MAP1A: variants seen among roughly 807,000 people sequenced by gnomAD.
MAP1A encodes the protein microtubule associated protein 1A.
MAP1A carries 42 observed loss-of-function variants against 185.9 expected under a neutral mutation model. The ratio of observed to expected loss-of-function variants is 0.23; its 90% CI spans 0.18 to 0.29. The LOEUF (loss-of-function observed/expected upper bound fraction) is 0.29. Ranked by LOEUF, MAP1A falls within the 10% of genes least tolerant of loss-of-function variation. The pLI is 1.00. For missense variants in MAP1A, 2,995 were observed against 3,450.4 expected, an observed-to-expected ratio of 0.87 and a Z score of 3.31; for synonymous variants, 1,229 against 1,335.9, an observed-to-expected ratio of 0.92 and a Z score of 1.74.
chr15:43,510,980 G>C, exon 1 of MAP1A: 1 of 1,529,058 alleles, frequency 6.5e-7, no homozygotes, highest in Non-Finnish European at 8.8e-7. Context: ...ACACTCCGCG[G>C]GTGTTTCCAT....
rs2079330693 is a variant in MAP1A at position 43,523,852 on chromosome 15, T to G, written c.2379T>G (p.Ala793=). Residue 793 remains alanine, a synonymous_variant, in exon 4 of 6, where the codon GCT becomes GCG. Coordinates refer to ENST00000300231, the MANE Select transcript of MAP1A (RefSeq NM_002373.6). The stretch of plus-strand genomic sequence containing the variant: ...AAGCCAGCCAACCTGCCGATAGTGC[T>G]GTTCCTGCTACCTCTGGCAAAGTCT... ...PFEASQPADS[A]VPATSGKVYG... The G allele has an allele frequency of 6.2e-7, 1 of 1,614,200 alleles. No homozygotes were observed. The highest frequency in any genetic ancestry group is 2.2e-5 in the East Asian group (1 of 44,890).
Position 43,524,223 on chromosome 15 carries a change from T to G in MAP1A, c.2750T>G (p.Val917Gly), listed in dbSNP as rs1191879303. 6.2e-7 allele frequency: 1 copy of G among 1,614,118 alleles called. No individual in the cohort carries two copies. Among genetic ancestry groups the G allele is most frequent in the Non-Finnish European group, 8.5e-7 (1 of 1,180,022 alleles). ...TCACCACCCTGTGAGGACTTCTCTG[T>G]GACTGGGGAGTCAGAGAAGAGAGGA... The part of the protein sequence containing the change: ...FKSPPCEDFS[V>G]TGESEKRGEI... The change falls in exon 4 of 6, where the codon GTG (valine) becomes GGG (glycine). Residue 917 changes from valine (V) to glycine (G), a missense_variant. Transcript: ENST00000300231.
rs1466130839 is a variant in MAP1A, at chr15:43,526,411, G to A, written c.4938G>A (p.Val1646=). ...AAAAGTACTGGAGGGGGCAGGATGT[G>A]GTCCAGGAGTGGCAAGAAACATCTC... is the stretch of plus-strand genomic sequence containing the variant. The part of the protein sequence containing the change: ...QEEKYWRGQD[V]VQEWQETSPT... Residue 1646 remains valine (V), a synonymous_variant, in exon 4 of 6, where the codon GTG becomes GTA. Transcript: ENST00000300231. This position sits in a 1 kb window ranked among gnomAD's most constrained non-coding sequence, Gnocchi z 4.7. 3 of 1,614,174 alleles carry A rather than the reference G, an allele frequency of 1.9e-6. No individual in the cohort carries two copies. Among genetic ancestry groups the A allele is most frequent in the Non-Finnish European group, 1.7e-6 (2 of 1,180,032 alleles).
In MAP1A at chr15:43,528,836, C is replaced by T; in HGVS notation, c.7363C>T (p.Pro2455Ser). The change falls in exon 4 of 6, where the codon CCA (proline) becomes TCA (serine). Residue 2455 changes from proline (P) to serine (S), a missense_variant. This residue lies in a region of MAP1A where 2,728 missense variants were observed against 2,986.0 expected (regional missense o/e 0.91). Transcript: ENST00000300231. ...GGAGCTCTCCCCATCCTTCCTGAACCCACCTCTGCCCCCATCCATAGATGA... is the reference window on the plus strand; with the variant it reads ...GGAGCTCTCCCCATCCTTCCTGAACTCACCTCTGCCCCCATCCATAGATGA... ...RGELSPSFLNPPLPPSIDDRD... is the reference protein window; with the variant it reads ...RGELSPSFLNSPLPPSIDDRD... The T allele has an allele frequency of 6.2e-7, 1 of 1,613,452 alleles. No individual in the cohort carries two copies. Among genetic ancestry groups the T allele is most frequent in the Non-Finnish European group, 8.5e-7 (1 of 1,179,826 alleles).
upstream of MAP1A, among the ~76,000 whole-genome samples, chr15:43,515,827 T>C (rs2079295247): frequency 6.6e-6 from 1 of 152,184 alleles, no homozygotes; most frequent in South Asian, 2.1e-4. Context: ...CTTTCTTCTT[T>C]GGCATCTCAC....
In MAP1A at chr15:43,510,975, C is replaced by A. The variant is rs183187551; in HGVS notation, c.-14C>A. 3.3e-4 allele frequency: 497 copies of A among 1,525,300 alleles called. 1 individual carries two copies. Among genetic ancestry groups the A allele is most frequent in the Non-Finnish European group, 3.9e-4 (442 of 1,132,122 alleles). The allele number at this position is 1,525,300 out of a possible 1,614,324, so 94.5% of individuals were successfully genotyped here. On this transcript the variant is annotated 5_prime_UTR_variant, in exon 1 of 7. Transcript: ENST00000382031. Reference sequence around the variant, plus strand: ...CAGCGGAAGCTGCCGGACTAACACTCCGCGGGTGTTTCCATGGAGACCGAG... The same window carrying A: ...CAGCGGAAGCTGCCGGACTAACACTACGCGGGTGTTTCCATGGAGACCGAG...
upstream of MAP1A, among the ~76,000 whole-genome samples, chr15:43,515,985 A>G (rs546017479): frequency 3.9e-5 from 6 of 152,144 alleles, no homozygotes; most frequent in Admixed American, 1.3e-4. Context: ...AGCTGAGAAT[A>G]TGGGTGGGCT....
At chr15:43,518,716 C>CT (rs545823592) in intron 1 of MAP1A, among the ~76,000 whole-genome samples, 4 of 138,244 alleles carry the variant, frequency 2.9e-5, no homozygotes, top group South Asian at 4.8e-4. Flanking sequence ...CCACCCCCCC[C>CT]CGCAACTCCA....
chr15:43,518,348 CGGA>C (rs952517781), intron 1 of MAP1A, among the ~76,000 whole-genome samples: 4 of 152,044 alleles, frequency 2.6e-5, no homozygotes, highest in Non-Finnish European at 4.4e-5. Flanking sequence ...ACTCTGGAGA[CGGA>C]GAACTCCCTC....
upstream of MAP1A, among the ~76,000 whole-genome samples, chr15:43,512,975 G>A (rs2079287287): frequency 6.6e-6 from 1 of 152,176 alleles, no homozygotes; most frequent in Admixed American, 6.5e-5. Context: ...TAAGATGTTA[G>A]GCACTACCAT....
In MAP1A at chr15:43,524,033, C is replaced by T; in HGVS notation, c.2560C>T (p.Leu854Phe). 2 of 1,614,112 alleles carry T rather than the reference C, an allele frequency of 1.2e-6. No homozygotes were observed. Among genetic ancestry groups the T allele is most frequent in the Non-Finnish European group, 8.5e-7 (1 of 1,180,026 alleles). ...SVAEDQSVAS[L>F]TAPQTEETGK... ...GGCTGAGGACCAATCTGTGGCCTCA[C>T]TTACAGCTCCCCAGACAGAGGAGAC... The change falls in exon 4 of 6, where the codon CTT (leucine) becomes TTT (phenylalanine). Residue 854 changes from leucine to phenylalanine, a missense_variant. This residue lies in a region of MAP1A where 2,728 missense variants were observed against 2,986.0 expected (regional missense o/e 0.91). Transcript: ENST00000300231.
In MAP1A at chr15:43,530,518, A is replaced by C; in HGVS notation, c.*294A>C. 2.8e-6 allele frequency: 1 copy of C among 355,872 alleles called. No homozygotes were observed. The highest frequency in any genetic ancestry group is 5.1e-6 in the Non-Finnish European group (1 of 194,586). The allele number at this position is 355,872 out of a possible 1,614,324, so 22.0% of individuals were successfully genotyped here. ...CTAGCACTGTCAAATGCTGGTATTG[A>C]ATGGGGACTGAGGATGGGTCTCAGA... On this transcript the variant is annotated 3_prime_UTR_variant, in exon 6 of 6. Transcript: ENST00000300231.
In MAP1A at chr15:43,526,997, A is replaced by AT; in HGVS notation, c.5525dup (p.Pro1844ThrfsTer41). ...CACTACTCCCTCATGGCTGGCTGAC[A>AT]TCCCACCCTGGGTGCCCAAGGACAG... On this transcript the variant is annotated frameshift_variant, in exon 4 of 6. Transcript: ENST00000300231. LOFTEE classifies it high-confidence loss of function. This position sits in a 1 kb window ranked among gnomAD's most constrained non-coding sequence, Gnocchi z 4.7. 1 of 1,612,400 alleles carries AT rather than the reference A, an allele frequency of 6.2e-7. No individual in the cohort carries two copies. Among genetic ancestry groups the AT allele is most frequent in the Non-Finnish European group, 8.5e-7 (1 of 1,179,114 alleles).
In MAP1A at chr15:43,530,656, C is replaced by G. The variant is rs1202244726; in HGVS notation, c.*432C>G. 1 of 184,444 alleles carries G rather than the reference C, an allele frequency of 5.4e-6. No homozygotes were observed. The highest frequency in any genetic ancestry group is 1.2e-5 in the Non-Finnish European group (1 of 86,844). 11.4% of individuals were successfully genotyped at this position (184,444 alleles called of 1,614,324 possible). ...GGATTTCCAATAGTAATTTATGTGACCTGGGGCAGGATACCGTCAGTGAGG... is the reference window on the plus strand; with the variant it reads ...GGATTTCCAATAGTAATTTATGTGAGCTGGGGCAGGATACCGTCAGTGAGG... On this transcript the variant is annotated 3_prime_UTR_variant, in exon 6 of 6. Coordinates refer to ENST00000300231, the MANE Select transcript of MAP1A (RefSeq NM_002373.6).
At position 43,530,553 on chromosome 15, in the gene MAP1A, C is replaced by T; in HGVS notation, c.*329C>T. On this transcript the variant is annotated 3_prime_UTR_variant, in exon 6 of 6. Transcript: ENST00000300231. ...GAGGATGGGTCTCAGAGAGCAACCT[C>T]CTCCCTCGTAGAGGGAGATTATATC... The T allele has an allele frequency of 7.6e-6, 2 of 262,046 alleles. No individual in the cohort carries two copies. The highest frequency in any genetic ancestry group is 1.6e-4 in the South Asian group (2 of 12,610). The allele number at this position is 262,046 out of a possible 1,614,324, so 16.2% of individuals were successfully genotyped here.
rs2079323343 is a variant in MAP1A, at chr15:43,522,502, G to A, written c.1029G>A (p.Glu343=). Residue 343 remains glutamate, a synonymous_variant, in exon 4 of 6, where the codon GAG becomes GAA. Transcript: ENST00000300231. The surrounding 1 kb of genome is among the most constrained non-coding windows in gnomAD (Gnocchi z 5.9). ...KLAKREEVVE[E]GAKEARSELA... is the part of the protein sequence containing the mutation. ...CCAAACGGGAGGAGGTGGTAGAAGAGGGAGCCAAGGAGGCACGTTCAGAGC... is the reference window on the plus strand; with the variant it reads ...CCAAACGGGAGGAGGTGGTAGAAGAAGGAGCCAAGGAGGCACGTTCAGAGC... 4 of 1,613,814 alleles carry A rather than the reference G, an allele frequency of 2.5e-6. No homozygotes were observed. Among genetic ancestry groups the A allele is most frequent in the Non-Finnish European group, 3.4e-6 (4 of 1,179,898 alleles).
At chr15:43,514,481 T>C (rs930148346), upstream of MAP1A, among the ~76,000 whole-genome samples, 2 of 152,226 alleles carry the variant, frequency 1.3e-5, no homozygotes, top group African/African-American at 2.4e-5. Flanking sequence ...TAGTGCCTTA[T>C]GGCTTGACTA....
At position 43,523,786 on chromosome 15, in the gene MAP1A, T is replaced by A; in HGVS notation, c.2313T>A (p.Ser771Arg). ...CAGCTCCACCCAGATTTCATACAAG[T>A]ACATATGACCTGCCCGGGCCTGAAG... ...ERPAPPRFHT[S>R]TYDLPGPEGA... The change falls in exon 4 of 6, where the codon AGT becomes AGA. Residue 771 changes from serine to arginine, a missense_variant. Physicochemically the swap from Ser to Arg is moderately radical, Grantham distance 110. Transcript: ENST00000300231. 6.2e-7 allele frequency: 1 copy of A among 1,614,028 alleles called. No homozygotes were observed. The highest frequency in any genetic ancestry group is 8.5e-7 in the Non-Finnish European group (1 of 1,180,008).
chr15:43,527,863 C>T lies in MAP1A; in HGVS notation c.6390C>T (p.Pro2130=). ...KEAQSPSPPH[P]IPMGSPTLWP... is the part of the protein sequence containing the mutation. The stretch of plus-strand genomic sequence containing the variant: ...CCCAATCCCCAAGTCCTCCTCACCC[C>T]ATTCCTATGGGGTCCCCCACATTAT... Residue 2130 remains proline (P), a synonymous_variant, in exon 4 of 6, where the codon CCC becomes CCT. Coordinates refer to ENST00000300231, the MANE Select transcript of MAP1A (RefSeq NM_002373.6). 1 of 1,614,190 alleles carries T rather than the reference C, an allele frequency of 6.2e-7. No homozygotes were observed. Among genetic ancestry groups the T allele is most frequent in the Admixed American group, 1.7e-5 (1 of 60,030 alleles).
Sources: allele counts gnomAD v4.1 joint callset (sites outside exome capture counted in the v4.1 genomes callset), GRCh38; gene constraint gnomAD v4.1.1; regional missense constraint gnomAD v4.1.1; non-coding constraint Gnocchi (gnomAD v3.1); transcripts MANE v1.5; gene names NCBI Gene and HGNC (gene_info 2026-07-23, HGNC 2026-07-21).